Variants in RAPGEF5 observed in about 807,000 individuals in gnomAD.
RAPGEF5 encodes the protein Rap guanine nucleotide exchange factor 5, also known as M-Ras-regulated GEF.
A neutral mutation model predicts 125.2 loss-of-function variants in RAPGEF5; 65 were observed. The observed-to-expected ratio is 0.52, with a 90% CI of 0.43 to 0.64. The LOEUF (loss-of-function observed/expected upper bound fraction) is 0.64. Among genes scored for constraint, RAPGEF5 ranks in the 30% least tolerant of loss-of-function variants. The pLI is 0.00. For synonymous variants in RAPGEF5, 391 were observed against 385.9 expected, an observed-to-expected ratio of 1.01 and a Z score of -0.16; for missense variants, 958 against 1,048.1, an observed-to-expected ratio of 0.91 and a Z score of 1.19.
intron 1 of RAPGEF5, among the ~76,000 whole-genome samples, chr7:22,331,998 C>T (rs182586268): frequency 3.3e-5 from 5 of 152,234 alleles, no homozygotes; most frequent in Admixed American, 3.3e-4. Context: ...AGCTTGAAAA[C>T]CACATGATTC....
At chr7:22,193,869 A>G (rs1261946538) in intron 10 of RAPGEF5, 46 bp downstream of exon 10, 1 of 1,612,172 alleles carries the variant, frequency 6.2e-7, no homozygotes, top group Non-Finnish European at 8.5e-7. Context: ...AGGCAGGGAA[A>G]AGGAAACGGG....
chr7:22,217,811 C>T (rs10499555), intron 9 of RAPGEF5, among the ~76,000 whole-genome samples: 1 of 151,940 alleles, frequency 6.6e-6, no homozygotes, highest in Non-Finnish European at 1.5e-5. Flanking sequence ...ATGACAGTCA[C>T]GCAAGAAGTA....
At chr7:22,151,364 T>C (rs1473684600) in intron 17 of RAPGEF5, among the ~76,000 whole-genome samples, 2 of 152,180 alleles carry the variant, frequency 1.3e-5, no homozygotes, top group Admixed American at 6.5e-5. Flanking sequence ...AACTACCAAA[T>C]TGTTTTCTGA....
chr7:22,230,558 G>T lies in RAPGEF5; in HGVS notation c.870+288C>A, dbSNP rs1397019749. Among the ~76,000 whole-genome samples the T allele has an allele frequency of 4.6e-5, 7 of 152,142 alleles. 1 individual carries two copies. The highest frequency in any genetic ancestry group is 2.6e-4 in the Admixed American group (4 of 15,280). ...GCTGTCAGCTGGCCCATTCTCCACT[G>T]CCTTCTTCAGGGGAATGTCTGCCCT... On this transcript the variant is annotated intron_variant, in intron 8 of 25. Transcript: ENST00000665637.
chr7:22,193,231 A>C, intron 11 of RAPGEF5, 136 bp downstream of exon 11: 1 of 926,620 alleles, frequency 1.1e-6, no homozygotes, highest in Non-Finnish European at 1.6e-6. Flanking sequence ...GCACAAGGCA[A>C]GGGACGAGTC....
At chr7:22,243,206 C>A (rs960324965) in intron 7 of RAPGEF5, among the ~76,000 whole-genome samples, 3 of 152,048 alleles carry the variant, frequency 2.0e-5, no homozygotes, top group Non-Finnish European at 4.4e-5. Context: ...TGTCAAATAA[C>A]GAAACTAAGC....
chr7:22,260,842 T>G (rs975716186), intron 7 of RAPGEF5, among the ~76,000 whole-genome samples: 6 of 152,168 alleles, frequency 3.9e-5, no homozygotes, highest in Non-Finnish European at 7.4e-5. Flanking sequence ...GAAGTCTTAT[T>G]ATAAAGCATT....
intron 6 of RAPGEF5, among the ~76,000 whole-genome samples, chr7:22,267,447 T>C (rs1407808418): frequency 6.6e-6 from 1 of 152,210 alleles, no homozygotes; most frequent in African/African-American, 2.4e-5. Context: ...GTAATCCTGG[T>C]TTAATTGGAC....
chr7:22,195,120 TC>T (rs1489558488), intron 9 of RAPGEF5, among the ~76,000 whole-genome samples: 1 of 152,170 alleles, frequency 6.6e-6, no homozygotes, highest in Non-Finnish European at 1.5e-5. Flanking sequence ...CTAGCACGTT[TC>T]CCCTACTTAC....
At chr7:22,198,202 A>G (rs1785198329) in intron 9 of RAPGEF5, among the ~76,000 whole-genome samples, 1 of 152,166 alleles carries the variant, frequency 6.6e-6, no homozygotes, top group South Asian at 2.1e-4. Flanking sequence ...GAATTGTGAT[A>G]CAGCCCAGAG....
chr7:22,210,896 C>G (rs1562763359), intron 9 of RAPGEF5, among the ~76,000 whole-genome samples: 1 of 152,116 alleles, frequency 6.6e-6, no homozygotes, highest in African/African-American at 2.4e-5. Flanking sequence ...CAACACTGAT[C>G]TCTTCAGACC....
At chr7:22,202,752 G>T (rs4722110) in intron 9 of RAPGEF5, among the ~76,000 whole-genome samples, 141,356 of 152,232 alleles carry the variant, frequency 0.93, 65,688 homozygotes, top group East Asian at 0.99. Flanking sequence ...CAAATTAAAC[G>T]GATATCCACC....
chr7:22,195,011 T>C lies in RAPGEF5; in HGVS notation c.997-978A>G, dbSNP rs189884928. On this transcript the variant is annotated intron_variant, in intron 9 of 25. Coordinates refer to ENST00000665637, the MANE Select transcript of RAPGEF5 (RefSeq NM_012294.5). ...AATCTAGCTTCCCTATTTCTGAGGATTGGAGCAAAAGATTAAAGGAAGAAA... is the reference window on the plus strand; with the variant it reads ...AATCTAGCTTCCCTATTTCTGAGGACTGGAGCAAAAGATTAAAGGAAGAAA... 9.2e-5 allele frequency among the ~76,000 whole-genome samples: 14 copies of C among 152,304 alleles called. No individual in the cohort carries two copies. The East Asian group carries it at 2.3e-3, about 25-fold the overall frequency.
intron 7 of RAPGEF5, among the ~76,000 whole-genome samples, chr7:22,251,485 C>G (rs1264627032): frequency 6.6e-6 from 1 of 152,094 alleles, no homozygotes; most frequent in African/African-American, 2.4e-5. Flanking sequence ...ACCAGGGAAC[C>G]AAGGACAAAG....
intron 6 of RAPGEF5, among the ~76,000 whole-genome samples, chr7:22,288,272 A>C (rs1315583069): frequency 1.3e-5 from 2 of 152,072 alleles, no homozygotes; most frequent in African/African-American, 2.4e-5. Context: ...TTCAATCTGC[A>C]ACTTCTCTGT....
intron 7 of RAPGEF5, among the ~76,000 whole-genome samples, chr7:22,266,727 T>C (rs1782291216): frequency 6.6e-6 from 1 of 152,220 alleles, no homozygotes; most frequent in African/African-American, 2.4e-5. Context: ...ATTTCATTTT[T>C]TCTTGAAATC....
At chr7:22,252,107 C>G (rs565620585) in intron 7 of RAPGEF5, among the ~76,000 whole-genome samples, 9 of 152,266 alleles carry the variant, frequency 5.9e-5, no homozygotes, top group South Asian at 2.1e-4. Context: ...GCCTCTCCCC[C>G]GCCTTACACC....
chr7:22,311,684 A>T (rs1165234619), intron 3 of RAPGEF5, among the ~76,000 whole-genome samples: 1 of 152,228 alleles, frequency 6.6e-6, no homozygotes, highest in Admixed American at 6.5e-5. Flanking sequence ...TTAGCATAAG[A>T]CAGCATAAAG....
chr7:22,176,616 C>T (rs2128119618), intron 11 of RAPGEF5, among the ~76,000 whole-genome samples: 1 of 152,282 alleles, frequency 6.6e-6, no homozygotes, highest in East Asian at 1.9e-4. Flanking sequence ...GCAGCTTCCA[C>T]TTACTGGGTT....
Sources: gnomAD v4.1 joint callset for allele counts (sites outside exome capture counted in the v4.1 genomes callset) on GRCh38, gnomAD v4.1.1 for gene constraint, MANE v1.5 for transcripts, NCBI Gene and HGNC (gene_info 2026-07-23, HGNC 2026-07-21) for gene names.